The following CDH13 variants were observed in gnomAD, a reference collection of about 807,000 sequenced individuals.
CDH13 encodes cadherin 13, also known as cadherin-13.
Under a neutral mutation model 63.8 loss-of-function variants are expected in CDH13, and 24 were observed. The ratio of observed to expected loss-of-function variants is 0.38; its 90% CI spans 0.27 to 0.53. The LOEUF is 0.53. Among genes scored for constraint, CDH13 ranks in the 20% least tolerant of loss-of-function variants. The pLI, the probability that CDH13 is intolerant of heterozygous loss-of-function variation, is 0.85. For synonymous variants in CDH13, 503 were observed against 355.3 expected (o/e 1.42, Z -4.67); for missense variants, 1,049 against 903.1 (o/e 1.16, Z -2.07).
intron 1 of CDH13, among the ~76,000 whole-genome samples, chr16:82,724,736 C>T (rs1160824562): frequency 6.6e-6 from 1 of 152,046 alleles, no homozygotes; most frequent in Non-Finnish European, 1.5e-5. Flanking sequence ...ATCACAGGGC[C>T]CTGTGAGAGA....
At chr16:83,674,499 A>G (rs1056384817) in intron 9 of CDH13, among the ~76,000 whole-genome samples, 4 of 152,224 alleles carry the variant, frequency 2.6e-5, no homozygotes, top group African/African-American at 7.2e-5. Flanking sequence ...TTGACCAATG[A>G]CATACGTTCT....
At chr16:82,750,606 T>C (rs928762979) in intron 1 of CDH13, among the ~76,000 whole-genome samples, 1 of 152,202 alleles carries the variant, frequency 6.6e-6, no homozygotes, top group East Asian at 1.9e-4. Flanking sequence ...TCTCTTAAAG[T>C]CTCAGGTGGA....
chr16:82,908,203 T>TC (rs1185516905), intron 2 of CDH13, among the ~76,000 whole-genome samples: 11 of 152,142 alleles, frequency 7.2e-5, no homozygotes, highest in African/African-American at 2.4e-4. Flanking sequence ...ACCTTGACAT[T>TC]CCACAGGATA....
At chr16:82,684,932 C>T (rs750742004) in intron 1 of CDH13, among the ~76,000 whole-genome samples, 4 of 152,304 alleles carry the variant, frequency 2.6e-5, no homozygotes, top group Non-Finnish European at 5.9e-5. Flanking sequence ...TAAGTAGTCG[C>T]TTGAAAATGA....
intron 6 of CDH13, among the ~76,000 whole-genome samples, chr16:83,375,014 T>G (rs2091435729): frequency 6.6e-6 from 1 of 152,342 alleles, no homozygotes; most frequent in East Asian, 1.9e-4. Flanking sequence ...AATGATATAA[T>G]GTAGCAGAAT....
At chr16:83,203,352 A>C (rs1378733632) in intron 4 of CDH13, among the ~76,000 whole-genome samples, 1 of 152,054 alleles carries the variant, frequency 6.6e-6, no homozygotes, top group African/African-American at 2.4e-5. Context: ...TAACAAACCC[A>C]CACATGTACC....
chr16:82,684,066 C>T (rs1029988619), intron 1 of CDH13, among the ~76,000 whole-genome samples: 1 of 152,146 alleles, frequency 6.6e-6, no homozygotes, highest in African/African-American at 2.4e-5. Flanking sequence ...ACCAAATGAT[C>T]AAGGAAGAAT....
At chr16:83,504,079 A>T (rs1451440077) in intron 7 of CDH13, among the ~76,000 whole-genome samples, 1 of 152,184 alleles carries the variant, frequency 6.6e-6, no homozygotes, top group Non-Finnish European at 1.5e-5. Context: ...TATGTAACAA[A>T]CCTGCACAGT....
At chr16:83,282,950 T>C (rs955613002) in intron 5 of CDH13, among the ~76,000 whole-genome samples, 2 of 152,232 alleles carry the variant, frequency 1.3e-5, no homozygotes, top group Non-Finnish European at 2.9e-5. Context: ...TGTATAATGC[T>C]CTAGTACAGT....
chr16:83,140,855 T>C (rs2036500984), intron 4 of CDH13, among the ~76,000 whole-genome samples: 1 of 152,256 alleles, frequency 6.6e-6, no homozygotes, highest in Non-Finnish European at 1.5e-5. Flanking sequence ...GGGAACGGAC[T>C]GACCCAAGGT....
chr16:82,803,853 C>A (rs2037001039), intron 1 of CDH13, among the ~76,000 whole-genome samples: 1 of 152,074 alleles, frequency 6.6e-6, no homozygotes, highest in Non-Finnish European at 1.5e-5. Context: ...TATAAAGCAT[C>A]AATTATATGG....
At chr16:83,713,977 G>C (rs757619958) in intron 10 of CDH13, among the ~76,000 whole-genome samples, 1 of 152,202 alleles carries the variant, frequency 6.6e-6, no homozygotes, top group Admixed American at 6.5e-5. Flanking sequence ...TGCCTGTCCA[G>C]TATTCTCCAA....
chr16:82,902,264 C>G (rs553381822), intron 2 of CDH13, among the ~76,000 whole-genome samples: 5 of 152,090 alleles, frequency 3.3e-5, no homozygotes, highest in African/African-American at 4.8e-5. Flanking sequence ...AGGGTATTCC[C>G]CATCTAAGGT....
At position 83,798,539 on chromosome 16, in the gene CDH13, G is replaced by A. The variant is rs1004435000; in HGVS notation, c.*3509G>A. 6 of 152,170 alleles carry A rather than the reference G, an allele frequency of 3.9e-5. No homozygotes were observed. Among genetic ancestry groups the A allele is most frequent in the Non-Finnish European group, 8.8e-5 (6 of 68,050 alleles). 9.4% of individuals were successfully genotyped at this position (152,170 alleles called of 1,614,324 possible). ...CAACTCACAGATAAAGAAGGCTGAGGCTCAGAAAAATTGAATGGCTTGCCC... is the reference window on the plus strand; with the variant it reads ...CAACTCACAGATAAAGAAGGCTGAGACTCAGAAAAATTGAATGGCTTGCCC... On this transcript the variant is annotated 3_prime_UTR_variant, in exon 14 of 14. Transcript: ENST00000567109.
chr16:83,403,406 G>A (rs1460544198), intron 6 of CDH13, among the ~76,000 whole-genome samples: 5 of 152,050 alleles, frequency 3.3e-5, no homozygotes, highest in African/African-American at 7.2e-5. Context: ...GGTGGATCAC[G>A]AGGTCAGGAG....
intron 6 of CDH13, among the ~76,000 whole-genome samples, chr16:83,477,483 G>A (rs1043728633): frequency 6.6e-6 from 1 of 152,122 alleles, no homozygotes; most frequent in African/African-American, 2.4e-5. Context: ...GTTCCTATGG[G>A]ATGGCACTTC....
chr16:83,473,903 G>C (rs928286668), intron 6 of CDH13, among the ~76,000 whole-genome samples: 1 of 152,114 alleles, frequency 6.6e-6, no homozygotes, highest in Non-Finnish European at 1.5e-5. Context: ...TGCCTCATAG[G>C]GTTTGTGGGA....
chr16:82,681,961 C>G (rs1365204323), intron 1 of CDH13, among the ~76,000 whole-genome samples: 2 of 152,226 alleles, frequency 1.3e-5, no homozygotes, highest in Non-Finnish European at 2.9e-5. Context: ...GTGCTGCCAC[C>G]TCTCCTTTCA....
At chr16:82,780,750 C>G (rs1441432798) in intron 1 of CDH13, among the ~76,000 whole-genome samples, 2 of 152,198 alleles carry the variant, frequency 1.3e-5, no homozygotes, top group Non-Finnish European at 2.9e-5. Flanking sequence ...TTTACCCATG[C>G]TGACAGCTTT....
Sources: gnomAD v4.1 joint callset for allele counts (sites outside exome capture counted in the v4.1 genomes callset) on GRCh38, gnomAD v4.1.1 for gene constraint, MANE v1.5 for transcripts, NCBI Gene and HGNC (gene_info 2026-07-23, HGNC 2026-07-21) for gene names.